The following INPP5D variants were observed in gnomAD, a reference collection of about 807,000 sequenced individuals.
INPP5D encodes inositol polyphosphate-5-phosphatase D.
INPP5D carries 33 observed loss-of-function variants against 122.9 expected under a neutral mutation model. The observed-to-expected ratio is 0.27, with a 90% CI of 0.20 to 0.36. The LOEUF (loss-of-function observed/expected upper bound fraction) is 0.36, where lower values mean the gene tolerates loss of function less well. Among genes scored for constraint, INPP5D ranks in the 10% least tolerant of loss-of-function variants. INPP5D has a pLI of 1.00. For missense variants in INPP5D, 1,053 were observed against 1,412.7 expected (o/e 0.75, Z 4.08); for synonymous variants, 584 against 576.2 (o/e 1.01, Z -0.19).
intron 6 of INPP5D, among the ~76,000 whole-genome samples, chr2:233,142,220 C>T (rs1396623540): frequency 6.6e-6 from 1 of 152,194 alleles, no homozygotes; most frequent in East Asian, 1.9e-4. Context: ...CTGCCACACT[C>T]CCCTCCCCTT....
chr2:233,153,457 A>G (rs1693974057), intron 9 of INPP5D, among the ~76,000 whole-genome samples: 1 of 152,156 alleles, frequency 6.6e-6, no homozygotes. Flanking sequence ...AGAATGGGAG[A>G]GCAACAATAT....
At position 233,206,517 on chromosome 2, in the gene INPP5D, A is replaced by T. The variant is rs1341499824; in HGVS notation, c.3568-189A>T. Among the ~76,000 whole-genome samples, 2 of 152,104 alleles carry T rather than the reference A, an allele frequency of 1.3e-5. No homozygotes were observed. Among genetic ancestry groups the T allele is most frequent in the Non-Finnish European group, 2.9e-5 (2 of 68,020 alleles). ...ACTCCAGACTAGGCAACAGAGTAAG[A>T]CCCCATTTCTAAAAAACAATTTTTT... On this transcript the variant is annotated intron_variant, in intron 26 of 26. Transcript: ENST00000445964. The surrounding 1 kb of genome is among the most constrained non-coding windows in gnomAD (Gnocchi z 4.0).
At chr2:233,065,560 C>G (rs201957181) in intron 1 of INPP5D, among the ~76,000 whole-genome samples, 1 of 134,882 alleles carries the variant, frequency 7.4e-6, no homozygotes, top group Non-Finnish European at 1.6e-5. Flanking sequence ...CTGCACCCAG[C>G]CTTTTTCTTT....
chr2:233,087,040 T>C (rs1691870716), intron 2 of INPP5D, among the ~76,000 whole-genome samples: 1 of 152,170 alleles, frequency 6.6e-6, no homozygotes, highest in Non-Finnish European at 1.5e-5. Flanking sequence ...ATTTTAACAA[T>C]GTCTGTGCAC....
intron 6 of INPP5D, chr2:233,145,906 T>C: frequency 1.5e-6 from 1 of 646,592 alleles, no homozygotes; most frequent in Non-Finnish European, 2.9e-6. Flanking sequence ...AGCAACGGAG[T>C]GGGTGAGGTG....
chr2:233,088,157 A>G (rs1209960057), intron 2 of INPP5D, among the ~76,000 whole-genome samples: 3 of 152,002 alleles, frequency 2.0e-5, no homozygotes, highest in East Asian at 1.9e-4. Context: ...TTGTATTTTT[A>G]GTAGAGACGG....
chr2:233,110,533 T>A (rs1692595589), intron 2 of INPP5D, among the ~76,000 whole-genome samples: 1 of 152,156 alleles, frequency 6.6e-6, no homozygotes, highest in Non-Finnish European at 1.5e-5. Context: ...CTGCTTTGTG[T>A]GTGTGTGCAT....
chr2:233,155,479 G>A (rs146095751), intron 9 of INPP5D, among the ~76,000 whole-genome samples: 92,713 of 151,322 alleles, frequency 0.61, 29,780 homozygotes, highest in East Asian at 0.98. Context: ...AAAATTAGAT[G>A]GGCATGGTGG....
At chr2:233,123,895 T>C (rs763270692) in intron 3 of INPP5D, among the ~76,000 whole-genome samples, 13 of 152,060 alleles carry the variant, frequency 8.5e-5, no homozygotes, top group Non-Finnish European at 1.3e-4. Context: ...GTGTTCTCAC[T>C]TAAGTGGGAG....
chr2:233,202,379 A>G (rs753236375), intron 25 of INPP5D, among the ~76,000 whole-genome samples: 2 of 152,172 alleles, frequency 1.3e-5, no homozygotes, highest in Non-Finnish European at 2.9e-5. Flanking sequence ...CAGCATTTCT[A>G]TGTATGCACC....
chr2:233,069,514 T>C (rs1273328509), intron 1 of INPP5D, among the ~76,000 whole-genome samples: 2 of 152,256 alleles, frequency 1.3e-5, no homozygotes, highest in African/African-American at 4.8e-5. Flanking sequence ...ATTTTGTATA[T>C]ACATGTATTA....
At chr2:233,101,048 G>C (rs771847330) in intron 2 of INPP5D, among the ~76,000 whole-genome samples, 14 of 152,200 alleles carry the variant, frequency 9.2e-5, no homozygotes, top group Admixed American at 2.0e-4. Flanking sequence ...TTCTGGAGAT[G>C]GGGGCCATGC....
At chr2:233,092,543 A>T (rs6756729) in intron 2 of INPP5D, among the ~76,000 whole-genome samples, 66,658 of 151,972 alleles carry the variant, frequency 0.44, 17,769 homozygotes, top group East Asian at 0.77. Context: ...TACGGGTGTG[A>T]GGTACCAAAA....
chr2:233,093,985 G>A (rs1437628903), intron 2 of INPP5D, among the ~76,000 whole-genome samples: 1 of 152,014 alleles, frequency 6.6e-6, no homozygotes, highest in Non-Finnish European at 1.5e-5. Flanking sequence ...AGAAACAGAT[G>A]TTGCCGTGGT....
Position 233,183,454 on chromosome 2 carries a change from A to G in INPP5D, c.2162-954A>G, listed in dbSNP as rs1406008833. Among the ~76,000 whole-genome samples the G allele has an allele frequency of 1.3e-5, 2 of 152,104 alleles. No homozygotes were observed. The highest frequency in any genetic ancestry group is 4.8e-5 in the African/African-American group (2 of 41,408). ...TCCTCCACCCAAGCCTTGACCCACC[A>G]TCGTGTCTCCTTCCTAAGTCTGGCC... On this transcript the variant is annotated intron_variant, in intron 19 of 26. Transcript: ENST00000445964. This position sits in a 1 kb window ranked among gnomAD's most constrained non-coding sequence, Gnocchi z 4.6.
rs182508565 is a variant in INPP5D, at chr2:233,189,353, G to A, written c.2359-497G>A. Among the ~76,000 whole-genome samples the A allele has an allele frequency of 9.6e-4, 147 of 152,348 alleles. No individual in the cohort carries two copies. The highest frequency in any genetic ancestry group is 3.4e-3 in the Middle Eastern group (1 of 294). ...ACAGAGGCTGCATCCTCCCTAGATAGGGGCAAGCCAGACAGGGGCAGGGCT... is the reference window on the plus strand; with the variant it reads ...ACAGAGGCTGCATCCTCCCTAGATAAGGGCAAGCCAGACAGGGGCAGGGCT... On this transcript the variant is annotated intron_variant, in intron 21 of 26. Coordinates refer to ENST00000445964, the MANE Select transcript of INPP5D (RefSeq NM_001017915.3). The surrounding 1 kb of genome is among the most constrained non-coding windows in gnomAD (Gnocchi z 5.6).
At chr2:233,125,666 TG>T in intron 3 of INPP5D, 78 bp from the exon 4 acceptor site, 1 of 1,332,714 alleles carries the variant, frequency 7.5e-7, no homozygotes, top group Admixed American at 2.3e-5. Context: ...TGTCGTGGCC[TG>T]GACCCCATGG....
At chr2:233,200,990 A>AAATAAATT (rs1455266639) in intron 25 of INPP5D, among the ~76,000 whole-genome samples, 2 of 114,726 alleles carry the variant, frequency 1.7e-5, no homozygotes, top group Admixed American at 8.6e-5. Flanking sequence ...ATAAATAAAT[A>AAATAAATT]AATAAATAAA....
intron 24 of INPP5D, among the ~76,000 whole-genome samples, chr2:233,196,855 C>G (rs1574803825): frequency 1.3e-5 from 2 of 152,132 alleles, no homozygotes; most frequent in South Asian, 4.1e-4. Context: ...CCAGCCACCC[C>G]CGCTGTACAC....
Sources: allele counts gnomAD v4.1 joint callset (sites outside exome capture counted in the v4.1 genomes callset), GRCh38; gene constraint gnomAD v4.1.1; non-coding constraint Gnocchi (gnomAD v3.1); transcripts MANE v1.5; gene names NCBI Gene and HGNC (gene_info 2026-07-23, HGNC 2026-07-21).